Variants in MAPK1IP1L observed in about 807,000 individuals in gnomAD.
The protein encoded by MAPK1IP1L is mitogen-activated protein kinase 1 interacting protein 1 like, also known as MAPK-interacting and spindle-stabilizing protein-like.
Under a neutral mutation model 18.1 loss-of-function variants are expected in MAPK1IP1L, and 10 were observed. The observed-to-expected ratio is 0.55, with a 90% CI of 0.34 to 0.94. The LOEUF (loss-of-function observed/expected upper bound fraction) is 0.94, where lower values mean the gene tolerates loss of function less well. MAPK1IP1L is among the 40% of genes least tolerant of loss of function. MAPK1IP1L has a pLI of 0.02. For synonymous variants in MAPK1IP1L, 115 were observed against 117.3 expected (o/e 0.98, Z 0.13); for missense variants, 260 against 318.2 (o/e 0.82, Z 1.39).
At chr14:55,052,027 A>G (rs777632968) in intron 1 of MAPK1IP1L, among the ~76,000 whole-genome samples, 2 of 151,862 alleles carry the variant, frequency 1.3e-5, no homozygotes, top group Non-Finnish European at 2.9e-5. Flanking sequence ...CCCCAGGGAG[A>G]AGGTGTCGGA....
At chr14:55,053,244 G>A (rs562145940) in intron 1 of MAPK1IP1L, among the ~76,000 whole-genome samples, 1 of 152,192 alleles carries the variant, frequency 6.6e-6, no homozygotes, top group Non-Finnish European at 1.5e-5. Flanking sequence ...TATGATGTGG[G>A]TACGATTCCG....
At chr14:55,054,184 T>C (rs1444390854) in intron 1 of MAPK1IP1L, among the ~76,000 whole-genome samples, 1 of 148,892 alleles carries the variant, frequency 6.7e-6, no homozygotes, top group Non-Finnish European at 1.5e-5. Context: ...TTTCTTTTTT[T>C]TTTTTTTTTT....
Position 55,060,154 on chromosome 14 carries a change from ATTTTTTTTTTTTTTTTTTTT to A in MAPK1IP1L, c.-4-1510_-4-1491del, listed in dbSNP as rs71131248. Among the ~76,000 whole-genome samples, 3 of 63,936 alleles carry A rather than the reference ATTTTTTTTTTTTTTTTTTTT, an allele frequency of 4.7e-5. No individual in the cohort carries two copies. The East Asian group carries it at 1.8e-3, about 38-fold the overall frequency. The allele number at this position is 63,936 out of a possible 152,430, so 41.9% of individuals were successfully genotyped here. A position where few individuals can be genotyped will look rare whatever the true frequency, so the allele number is the denominator to read the frequency against. ...TACAGATAAAAGGAATTTTGGAGAA[ATTTTTTTTTTTTTTTTTTTT>A]TTTTTTTTTTTTTTTGATATGGAGT... On this transcript the variant is annotated intron_variant, in intron 1 of 3. Transcript: ENST00000395468.
chr14:55,064,812 A>C lies in MAPK1IP1L; in HGVS notation c.*185A>C. ...CGTAGTACATCATATGTATACAATC[A>C]GATAAAAGCATAGAAGTAAATCATT... On this transcript the variant is annotated 3_prime_UTR_variant, in exon 4 of 4. Transcript: ENST00000395468. The C allele has an allele frequency of 2.1e-6, 1 of 485,060 alleles. No individual in the cohort carries two copies. The highest frequency in any genetic ancestry group is 3.7e-6 in the Non-Finnish European group (1 of 268,042). The allele number at this position is 485,060 out of a possible 1,614,324, so 30.0% of individuals were successfully genotyped here. A position where few individuals can be genotyped will look rare whatever the true frequency, so the allele number is the denominator to read the frequency against.
intron 3 of MAPK1IP1L, 33 bp from the exon 4 acceptor site, chr14:55,064,583 C>T (rs746024380): frequency 6.2e-7 from 1 of 1,608,492 alleles, no homozygotes; most frequent in Non-Finnish European, 8.5e-7. Flanking sequence ...TTTGCAAAAT[C>T]TAGAAGTTGA....
rs1489256499 is a variant in MAPK1IP1L, at chr14:55,068,059, CTT to C, written c.*3435_*3436del. On this transcript the variant is annotated 3_prime_UTR_variant, in exon 4 of 4. Coordinates refer to ENST00000395468, the MANE Select transcript of MAPK1IP1L (RefSeq NM_144578.4). Reference sequence around the variant, plus strand: ...CTGTCCCATCCTGCCACTTTCTCATCTTTTCATGCTTTTGAAGACACCATTTA... The same window carrying C: ...CTGTCCCATCCTGCCACTTTCTCATCTTCATGCTTTTGAAGACACCATTTA... 2 of 152,194 alleles carry C rather than the reference CTT, an allele frequency of 1.3e-5. No homozygotes were observed. Among genetic ancestry groups the C allele is most frequent in the African/African-American group, 4.8e-5 (2 of 41,448 alleles). 9.4% of individuals were successfully genotyped at this position (152,194 alleles called of 1,614,324 possible). A position where few individuals can be genotyped will look rare whatever the true frequency, so the allele number is the denominator to read the frequency against.
chr14:55,056,489 G>A (rs1309525265), intron 1 of MAPK1IP1L, among the ~76,000 whole-genome samples: 1 of 151,994 alleles, frequency 6.6e-6, no homozygotes, highest in Non-Finnish European at 1.5e-5. Flanking sequence ...CCTTAACATG[G>A]GAATGGGTTG....
At chr14:55,052,189 C>CT (rs1240419023) in intron 1 of MAPK1IP1L, among the ~76,000 whole-genome samples, 2 of 151,848 alleles carry the variant, frequency 1.3e-5, no homozygotes, top group African/African-American at 4.8e-5. Flanking sequence ...CCCGGACTCC[C>CT]TTTGTTCGTG....
In MAPK1IP1L at chr14:55,062,644, C is replaced by T; in HGVS notation, c.45C>T (p.Ser15=). The stretch of plus-strand genomic sequence containing the variant: ...TGGCAGATGCACTACCTGAACACTC[C>T]CCTGCCAAAACCTCTGCTGTGAGCA... The part of the protein sequence containing the change: ...FSLADALPEH[S]PAKTSAVSNT... Residue 15 remains serine (S), a synonymous_variant, in exon 3 of 4, where the codon TCC becomes TCT. Coordinates refer to ENST00000395468, the MANE Select transcript of MAPK1IP1L (RefSeq NM_144578.4). 1 of 1,613,594 alleles carries T rather than the reference C, an allele frequency of 6.2e-7. No individual in the cohort carries two copies. Among genetic ancestry groups the T allele is most frequent in the Non-Finnish European group, 8.5e-7 (1 of 1,179,756 alleles).
At chr14:55,052,124 C>T (rs2042734004) in intron 1 of MAPK1IP1L, among the ~76,000 whole-genome samples, 1 of 150,386 alleles carries the variant, frequency 6.6e-6, no homozygotes, top group Non-Finnish European at 1.5e-5. Flanking sequence ...CGGCCCCTCC[C>T]CCACCCCTTC....
At chr14:55,055,031 G>GT (rs2042760488) in intron 1 of MAPK1IP1L, among the ~76,000 whole-genome samples, 1 of 152,154 alleles carries the variant, frequency 6.6e-6, no homozygotes, top group South Asian at 2.1e-4. Flanking sequence ...AAAAAAGAAA[G>GT]CCTTTCTTGA....
At chr14:55,052,010 G>A (rs1399468362) in intron 1 of MAPK1IP1L, among the ~76,000 whole-genome samples, 1 of 152,116 alleles carries the variant, frequency 6.6e-6, no homozygotes, top group African/African-American at 2.4e-5. Context: ...GCTGCCTGGG[G>A]ATCGCCCCCC....
intron 1 of MAPK1IP1L, among the ~76,000 whole-genome samples, chr14:55,052,784 A>C (rs1436286460): frequency 6.6e-6 from 1 of 152,240 alleles, no homozygotes; most frequent in Non-Finnish European, 1.5e-5. Context: ...ATGCAAAGCG[A>C]GTTTGCTTCA....
At chr14:55,053,918 C>T (rs2042750306) in intron 1 of MAPK1IP1L, among the ~76,000 whole-genome samples, 1 of 152,118 alleles carries the variant, frequency 6.6e-6, no homozygotes, top group African/African-American at 2.4e-5. Flanking sequence ...GGTTGCATAT[C>T]CTTTATCCCA....
chr14:55,061,504 G>A (rs908884250), intron 1 of MAPK1IP1L, among the ~76,000 whole-genome samples, 176 bp from the exon 2 acceptor site: 4 of 152,150 alleles, frequency 2.6e-5, no homozygotes, highest in Non-Finnish European at 5.9e-5. Context: ...AGTTAATAGA[G>A]CTGTATGAAC....
chr14:55,062,680 T>A lies in MAPK1IP1L; in HGVS notation c.81T>A (p.Pro27=). The part of the protein sequence containing the change: ...AKTSAVSNTK[P]GQPPQGWPGS... The stretch of plus-strand genomic sequence containing the variant: ...CCTCTGCTGTGAGCAATACAAAACC[T>A]GGCCAACCTCCTCAAGGCTGGCCAG... Residue 27 remains proline, a synonymous_variant, in exon 3 of 4, where the codon CCT becomes CCA. Transcript: ENST00000395468. 1 of 1,614,184 alleles carries A rather than the reference T, an allele frequency of 6.2e-7. No homozygotes were observed. Among genetic ancestry groups the A allele is most frequent in the Non-Finnish European group, 8.5e-7 (1 of 1,180,030 alleles).
intron 1 of MAPK1IP1L, among the ~76,000 whole-genome samples, chr14:55,052,313 C>G (rs758928166): frequency 5.3e-5 from 8 of 152,178 alleles, no homozygotes; most frequent in Non-Finnish European, 8.8e-5. Flanking sequence ...TGAAAAGATT[C>G]TTACAAGAGT....
At chr14:55,060,011 G>A (rs965947708) in intron 1 of MAPK1IP1L, among the ~76,000 whole-genome samples, 1 of 152,048 alleles carries the variant, frequency 6.6e-6, no homozygotes, top group South Asian at 2.1e-4. Context: ...GGCAGAGTAG[G>A]GAAGGCCTTT....
At chr14:55,056,049 A>G (rs1002593271) in intron 1 of MAPK1IP1L, among the ~76,000 whole-genome samples, 3 of 152,232 alleles carry the variant, frequency 2.0e-5, no homozygotes, top group African/African-American at 7.2e-5. Context: ...AACGCTGTTT[A>G]TTCTAGGAAT....
Sources: allele counts gnomAD v4.1 joint callset (sites outside exome capture counted in the v4.1 genomes callset), GRCh38; gene constraint gnomAD v4.1.1; transcripts MANE v1.5; gene names NCBI Gene and HGNC (gene_info 2026-07-23, HGNC 2026-07-21).